MAML2: variants seen among roughly 807,000 people sequenced by gnomAD.
The protein encoded by MAML2 is mastermind-like protein 2.
In MAML2, 22 loss-of-function variants were observed where a neutral mutation model predicts 96.1. That is an observed-to-expected ratio of 0.23 (90% CI 0.16 to 0.33). MAML2 has a LOEUF of 0.33. Ranked by LOEUF, MAML2 falls within the 10% of genes least tolerant of loss-of-function variation. The pLI is 1.00. For missense variants in MAML2, 1,367 were observed against 1,392.4 expected (o/e 0.98, Z 0.29); for synonymous variants, 561 against 521.3 (o/e 1.08, Z -1.04).
At chr11:96,182,081 T>C (rs555262848) in intron 1 of MAML2, among the ~76,000 whole-genome samples, 59 of 152,314 alleles carry the variant, frequency 3.9e-4, no homozygotes, top group South Asian at 2.9e-3. Context: ...AGACCTGAGC[T>C]TTAGTCCTAC....
chr11:96,248,142 GC>G (rs2135965040), intron 1 of MAML2, among the ~76,000 whole-genome samples: 1 of 144,234 alleles, frequency 6.9e-6, no homozygotes, highest in Admixed American at 7.0e-5. Flanking sequence ...AGACAGTCTG[GC>G]TCTGTTGCCC....
At chr11:96,091,512 TAAC>T (rs373548609) in intron 2 of MAML2, among the ~76,000 whole-genome samples, 1 of 152,060 alleles carries the variant, frequency 6.6e-6, no homozygotes, top group African/African-American at 2.4e-5. Flanking sequence ...CTCAGCATAA[TAAC>T]AACATCTTGC....
At chr11:96,005,323 A>G (rs938149342) in intron 2 of MAML2, among the ~76,000 whole-genome samples, 1 of 152,218 alleles carries the variant, frequency 6.6e-6, no homozygotes, top group Non-Finnish European at 1.5e-5. Context: ...TGTGAACTGT[A>G]AATCTTTTAA....
intron 1 of MAML2, among the ~76,000 whole-genome samples, chr11:96,147,952 G>A (rs1860845671): frequency 6.6e-6 from 1 of 152,276 alleles, no homozygotes. Context: ...GAACAGTCAG[G>A]GGCTTTAGGC....
At position 96,092,905 on chromosome 11, in the gene MAML2, G is replaced by T; in HGVS notation, c.1126C>A (p.Pro376Thr). The change falls in exon 2 of 5, where the codon CCC (proline) becomes ACC (threonine). Residue 376 changes from proline to threonine, a missense_variant. Pro to Thr is a conservative substitution (Grantham distance 38, BLOSUM62 -1). Transcript: ENST00000524717. The surrounding 1 kb of genome is among the most constrained non-coding windows in gnomAD (Gnocchi z 4.1). ...GGCCTCAGCTGAGGAGAGCCTGAGG[G>T]GCCCTGAGTCAAGCCCGGTGAGTAT... ...SEYSPGLTQG[P>T]SGSPQLRPPS... 6.2e-7 allele frequency: 1 copy of T among 1,605,302 alleles called. No individual in the cohort carries two copies. Among genetic ancestry groups the T allele is most frequent in the Non-Finnish European group, 8.5e-7 (1 of 1,175,374 alleles).
intron 1 of MAML2, among the ~76,000 whole-genome samples, chr11:96,314,635 G>A (rs1008704614): frequency 8.5e-5 from 13 of 152,096 alleles, no homozygotes; most frequent in East Asian, 1.9e-4. Context: ...ACAGGGAAAC[G>A]GGAAAATAGG....
rs538262841 is a variant in MAML2 at position 95,980,022 on chromosome 11, G to A, written c.2456-59C>T. 4.5e-6 allele frequency: 6 copies of A among 1,338,648 alleles called. No homozygotes were observed. The Admixed American group carries it at 7.2e-5, about 16-fold the overall frequency. 82.9% of individuals were successfully genotyped at this position (1,338,648 alleles called of 1,614,324 possible). A position where few individuals can be genotyped will look rare whatever the true frequency, so the allele number is the denominator to read the frequency against. ...GCAGCATGTTATCTCCTCTGTAACT[G>A]CACTTTTCAATAACTCATCAATCTG... is the stretch of plus-strand genomic sequence containing the variant. On this transcript the variant is annotated intron_variant, in intron 4 of 4. Transcript: ENST00000524717.
chr11:95,991,428 G>A (rs954649691), intron 3 of MAML2, 92 bp downstream of exon 3: 22 of 1,177,814 alleles, frequency 1.9e-5, no homozygotes, highest in African/African-American at 7.5e-5. Context: ...TTGCTGTCAC[G>A]TAAGTAGGCA....
intron 2 of MAML2, among the ~76,000 whole-genome samples, chr11:96,073,379 G>T (rs892226559): frequency 1.1e-4 from 16 of 148,514 alleles, no homozygotes; most frequent in African/African-American, 4.0e-4. Context: ...GGAGTGCAGT[G>T]GTGCTATCTC....
chr11:96,072,818 AG>A (rs986310039), intron 2 of MAML2, among the ~76,000 whole-genome samples: 4 of 152,338 alleles, frequency 2.6e-5, no homozygotes, highest in Non-Finnish European at 5.9e-5. Flanking sequence ...GCTCTGCCAA[AG>A]GAAACAAGAA....
chr11:96,027,564 T>G (rs1858545611), intron 2 of MAML2, among the ~76,000 whole-genome samples: 1 of 152,064 alleles, frequency 6.6e-6, no homozygotes, highest in Non-Finnish European at 1.5e-5. Context: ...CTAGGTGCAG[T>G]GGGACCACAG....
chr11:96,245,448 C>G (rs1862497544), intron 1 of MAML2, among the ~76,000 whole-genome samples: 1 of 152,090 alleles, frequency 6.6e-6, no homozygotes, highest in African/African-American at 2.4e-5. Flanking sequence ...TCTCACATAT[C>G]TATAGGCCTC....
intron 1 of MAML2, among the ~76,000 whole-genome samples, chr11:96,270,954 G>A (rs1246465723): frequency 6.6e-6 from 1 of 152,180 alleles, no homozygotes; most frequent in South Asian, 2.1e-4. Context: ...GGCAGAAGAC[G>A]TTGGAAAGAG....
chr11:96,170,465 C>G (rs1428200281), intron 1 of MAML2, among the ~76,000 whole-genome samples: 1 of 152,192 alleles, frequency 6.6e-6, no homozygotes, highest in Non-Finnish European at 1.5e-5. Context: ...ATCACAGATA[C>G]AGTTTGCTTT....
At chr11:96,216,240 C>T (rs1181236475) in intron 1 of MAML2, among the ~76,000 whole-genome samples, 1 of 152,166 alleles carries the variant, frequency 6.6e-6, no homozygotes, top group Non-Finnish European at 1.5e-5. Context: ...AGATCTTAGC[C>T]TACTCCTCAA....
At chr11:96,056,999 T>G (rs1459718372) in intron 2 of MAML2, among the ~76,000 whole-genome samples, 1 of 152,208 alleles carries the variant, frequency 6.6e-6, no homozygotes, top group Non-Finnish European at 1.5e-5. Flanking sequence ...TAGTGTAGAC[T>G]TTCAATGATC....
chr11:96,298,173 C>T (rs1863328963), intron 1 of MAML2, among the ~76,000 whole-genome samples: 1 of 152,202 alleles, frequency 6.6e-6, no homozygotes, highest in Non-Finnish European at 1.5e-5. Flanking sequence ...AGCTTTTCTG[C>T]AACAGTGACA....
chr11:96,100,715 T>A (rs1859912697), intron 1 of MAML2, among the ~76,000 whole-genome samples: 1 of 151,660 alleles, frequency 6.6e-6, no homozygotes, highest in Admixed American at 6.6e-5. Context: ...TGAGAAATGT[T>A]ACTAGTTTAG....
intron 1 of MAML2, among the ~76,000 whole-genome samples, chr11:96,339,536 C>T (rs116404720): frequency 0.013 from 1,945 of 152,300 alleles, 47 homozygotes; most frequent in African/African-American, 0.043. Context: ...TGGCTCTTCA[C>T]GGCCCCGCTC....
Sources: gnomAD v4.1 joint callset for allele counts (sites outside exome capture counted in the v4.1 genomes callset) on GRCh38, gnomAD v4.1.1 for gene constraint, Gnocchi (gnomAD v3.1) non-coding constraint, MANE v1.5 for transcripts, NCBI Gene and HGNC (gene_info 2026-07-23, HGNC 2026-07-21) for gene names.